PCDHGC5: variants seen among roughly 807,000 people sequenced by gnomAD.
PCDHGC5 encodes the protein protocadherin gamma subfamily C, 5.
In PCDHGC5, 25 loss-of-function variants were observed where a neutral mutation model predicts 59.0. The observed-to-expected ratio is 0.42, with a 90% CI of 0.31 to 0.59. The LOEUF (loss-of-function observed/expected upper bound fraction) is 0.59. PCDHGC5 is among the 20% of genes least tolerant of loss of function. PCDHGC5 has a pLI of 0.13. For synonymous variants in PCDHGC5, 434 were observed against 505.5 expected, an observed-to-expected ratio of 0.86 and a Z score of 1.90; for missense variants, 1,067 against 1,206.4, an observed-to-expected ratio of 0.88 and a Z score of 1.71.
intron 2 of PCDHGC5, among the ~76,000 whole-genome samples, chr5:141,499,265 C>T (rs1220250999): frequency 6.6e-6 from 1 of 152,128 alleles, no homozygotes; most frequent in African/African-American, 2.4e-5. Context: ...CATTTGGTCC[C>T]TAGACTGTTC....
intron 2 of PCDHGC5, among the ~76,000 whole-genome samples, chr5:141,504,128 G>A (rs914138294): frequency 2.6e-5 from 4 of 151,992 alleles, no homozygotes; most frequent in African/African-American, 9.7e-5. Context: ...GCTGTTTCCC[G>A]CCAACACTCC....
At chr5:141,498,338 G>A (rs2237079) in intron 2 of PCDHGC5, among the ~76,000 whole-genome samples, 68,665 of 151,630 alleles carry the variant, frequency 0.45, 15,766 homozygotes, top group Admixed American at 0.55. Flanking sequence ...CATTCCAAAT[G>A]GGAAAAGCCT....
At chr5:141,497,691 C>T (rs2099778682) in intron 2 of PCDHGC5, among the ~76,000 whole-genome samples, 1 of 152,066 alleles carries the variant, frequency 6.6e-6, no homozygotes, top group African/African-American at 2.4e-5. Flanking sequence ...AGGTGTGCAC[C>T]ACCACACCCA....
rs1471215172 is a variant in PCDHGC5 at position 141,511,840 on chromosome 5, TCTG to T, written c.*668_*670del. 1 of 156,722 alleles carries T rather than the reference TCTG, an allele frequency of 6.4e-6. No homozygotes were observed. Among genetic ancestry groups the T allele is most frequent in the African/African-American group, 2.4e-5 (1 of 41,448 alleles). The allele number at this position is 156,722 out of a possible 1,614,324, so 9.7% of individuals were successfully genotyped here. A position where few individuals can be genotyped will look rare whatever the true frequency, so the allele number is the denominator to read the frequency against. On this transcript the variant is annotated 3_prime_UTR_variant, in exon 4 of 4. Coordinates refer to ENST00000252087, the MANE Select transcript of PCDHGC5 (RefSeq NM_018929.3). ...TTCCCAACGCCCTGGGGACCAGTCTTCTGTTTTGTTTTTCATTGTTTGACGTTT... is the reference window on the plus strand; with the variant it reads ...TTCCCAACGCCCTGGGGACCAGTCTTTTTTGTTTTTCATTGTTTGACGTTT...
intron 2 of PCDHGC5, among the ~76,000 whole-genome samples, chr5:141,500,892 G>GAT (rs1036007799): frequency 1.1e-5 from 1 of 88,010 alleles, no homozygotes; most frequent in African/African-American, 7.1e-5. Flanking sequence ...TTTTTTTTGA[G>GAT]ACAGTCTCGC....
intron 2 of PCDHGC5, among the ~76,000 whole-genome samples, chr5:141,497,248 G>A (rs1442942520): frequency 6.6e-6 from 1 of 152,128 alleles, no homozygotes; most frequent in African/African-American, 2.4e-5. Context: ...AGGAGGAGGT[G>A]ACATTGAGAA....
rs767547572 is a variant in PCDHGC5 at position 141,505,495 on chromosome 5, G to C, written c.2608+14G>C. On this transcript the variant is annotated intron_variant, in intron 3 of 3. Coordinates refer to ENST00000252087, the MANE Select transcript of PCDHGC5 (RefSeq NM_018929.3). The stretch of plus-strand genomic sequence containing the variant: ...CGTCCGCCAGTGGTAAGTGGTGTCA[G>C]TGTGTGTATGGAAGAGTGGGAGACC... 5 of 1,614,210 alleles carry C rather than the reference G, an allele frequency of 3.1e-6. No individual in the cohort carries two copies. Among genetic ancestry groups the C allele is most frequent in the Non-Finnish European group, 4.2e-6 (5 of 1,180,000 alleles).
rs202162316 is a variant in PCDHGC5, at chr5:141,490,194, T to C, written c.954T>C (p.Ile318=). ...IDFEESRFYE[I]HARARDQGQP... ...TTGAGGAGTCACGTTTCTATGAAAT[T>C]CATGCAAGAGCCCGTGACCAGGGAC... is the stretch of plus-strand genomic sequence containing the variant. The change falls in exon 1 of 4, where the codon ATT becomes ATC. Residue 318 remains isoleucine (I), a synonymous_variant. Transcript: ENST00000252087. The surrounding 1 kb of genome is among the most constrained non-coding windows in gnomAD (Gnocchi z 5.4). The C allele has an allele frequency of 8.1e-6, 13 of 1,614,186 alleles. No individual in the cohort carries two copies. The highest frequency in any genetic ancestry group is 1.1e-5 in the Non-Finnish European group (13 of 1,180,030).
Position 141,490,867 on chromosome 5 carries a change from C to G in PCDHGC5, c.1627C>G (p.Pro543Ala). ...VVGVRDSGSP[P>A]LHANTSLHVF... ...GGGGGTTCGAGACTCCGGCTCTCCC[C>G]CATTGCATGCCAACACATCTCTGCA... The change falls in exon 1 of 4, where the codon CCA becomes GCA. Residue 543 changes from proline to alanine, a missense_variant. Coordinates refer to ENST00000252087, the MANE Select transcript of PCDHGC5 (RefSeq NM_018929.3). This position sits in a 1 kb window ranked among gnomAD's most constrained non-coding sequence, Gnocchi z 5.4. 6.2e-7 allele frequency: 1 copy of G among 1,613,912 alleles called. No individual in the cohort carries two copies. The highest frequency in any genetic ancestry group is 8.5e-7 in the Non-Finnish European group (1 of 1,179,936).
Position 141,489,161 on chromosome 5 carries a change from A to T in PCDHGC5, c.-80A>T. ...GCTGGAAGGAGACATAAGAGACTTC[A>T]GCTGCTGCATTCCAAGCCCTGGGTC... On this transcript the variant is annotated 5_prime_UTR_variant, in exon 1 of 4. Coordinates refer to ENST00000252087, the MANE Select transcript of PCDHGC5 (RefSeq NM_018929.3). The surrounding 1 kb of genome is among the most constrained non-coding windows in gnomAD (Gnocchi z 4.5). 1.9e-6 allele frequency: 2 copies of T among 1,040,278 alleles called. No individual in the cohort carries two copies. The highest frequency in any genetic ancestry group is 2.8e-6 in the Non-Finnish European group (2 of 709,676). 64.4% of individuals were successfully genotyped at this position (1,040,278 alleles called of 1,614,324 possible).
rs994878374 is a variant in PCDHGC5, at chr5:141,491,785, C to T, written c.2460+85C>T. ...TCCTCATAAGGGATTGAACTTGCAT[C>T]CACTCCTCTCCGGCCGGCTTGGTCG... is the stretch of plus-strand genomic sequence containing the variant. On this transcript the variant is annotated intron_variant, in intron 1 of 3. Transcript: ENST00000252087. The surrounding 1 kb of genome is among the most constrained non-coding windows in gnomAD (Gnocchi z 6.9). 20 of 1,529,458 alleles carry T rather than the reference C, an allele frequency of 1.3e-5. No individual in the cohort carries two copies. Among genetic ancestry groups the T allele is most frequent in the Non-Finnish European group, 1.8e-5 (20 of 1,139,198 alleles). The allele number at this position is 1,529,458 out of a possible 1,614,324, so 94.7% of individuals were successfully genotyped here. A position where few individuals can be genotyped will look rare whatever the true frequency, so the allele number is the denominator to read the frequency against.
chr5:141,495,221 G>A lies in PCDHGC5; in HGVS notation c.2519+356G>A, dbSNP rs376660961. On this transcript the variant is annotated intron_variant, in intron 2 of 3. Coordinates refer to ENST00000252087, the MANE Select transcript of PCDHGC5 (RefSeq NM_018929.3). ...ACTGCCTAACCCCCTCCCCTGAGTT[G>A]AGCTGGGCTCCATTATGACCTGGGG... Among the ~76,000 whole-genome samples, 26 of 152,300 alleles carry A rather than the reference G, an allele frequency of 1.7e-4. 1 individual carries two copies. The East Asian group carries it at 4.4e-3, about 26-fold the overall frequency.
chr5:141,507,287 C>G (rs79707942), intron 3 of PCDHGC5: 1 of 148,974 alleles, frequency 6.7e-6, no homozygotes, highest in East Asian at 1.9e-4. Context: ...AAGTCAGTCT[C>G]AAATGTTGCA....
In PCDHGC5 at chr5:141,489,399, C is replaced by A. The variant is rs2099686689; in HGVS notation, c.159C>A (p.Gly53=). The change falls in exon 1 of 4, where the codon GGC becomes GGA. Residue 53 remains glycine, a synonymous_variant. Coordinates refer to ENST00000252087, the MANE Select transcript of PCDHGC5 (RefSeq NM_018929.3). The surrounding 1 kb of genome is among the most constrained non-coding windows in gnomAD (Gnocchi z 4.5). ...TGGGGAATGTTGCTCAGGATCTGGGCTTAAAGATGACAGATCTGTTGAGCC... is the reference window on the plus strand; with the variant it reads ...TGGGGAATGTTGCTCAGGATCTGGGATTAAAGATGACAGATCTGTTGAGCC... The part of the protein sequence containing the change: ...TLVGNVAQDL[G]LKMTDLLSRR... 1 of 1,614,024 alleles carries A rather than the reference C, an allele frequency of 6.2e-7. No homozygotes were observed. Among genetic ancestry groups the A allele is most frequent in the African/African-American group, 1.3e-5 (1 of 74,910 alleles).
intron 2 of PCDHGC5, among the ~76,000 whole-genome samples, chr5:141,505,145 G>A (rs540889707): frequency 1.3e-5 from 2 of 152,288 alleles, no homozygotes; most frequent in East Asian, 3.9e-4. Flanking sequence ...CTGGATGACA[G>A]AGTAAGACCC....
At chr5:141,504,476 A>G (rs998883721) in intron 2 of PCDHGC5, among the ~76,000 whole-genome samples, 4 of 152,016 alleles carry the variant, frequency 2.6e-5, no homozygotes, top group African/African-American at 9.7e-5. Context: ...GGATGGGAGT[A>G]CAGTGGAGGC....
rs1040753474 is a variant in PCDHGC5 at position 141,511,446 on chromosome 5, G to T, written c.*273G>T. 3.1e-6 allele frequency: 2 copies of T among 654,526 alleles called. No individual in the cohort carries two copies. The highest frequency in any genetic ancestry group is 3.7e-5 in the African/African-American group (2 of 54,758). 40.5% of individuals were successfully genotyped at this position (654,526 alleles called of 1,614,324 possible). A position where few individuals can be genotyped will look rare whatever the true frequency, so the allele number is the denominator to read the frequency against. ...GTAGTGGGGTTACTGTAGACACCAA[G>T]AACCATTTGCCACACCCCGTTTAGT... On this transcript the variant is annotated 3_prime_UTR_variant, in exon 4 of 4. Transcript: ENST00000252087.
In PCDHGC5 at chr5:141,503,243, C is replaced by T. The variant is rs146741382; in HGVS notation, c.2520-2150C>T. Among the ~76,000 whole-genome samples the T allele has an allele frequency of 3.1e-4, 47 of 152,198 alleles. No individual in the cohort carries two copies. The East Asian group carries it at 8.9e-3, about 29-fold the overall frequency. ...CACCGTAAAGATGGACAGTTTCTAT[C>T]ATACTCACAGCCACAACCCCAGCAC... On this transcript the variant is annotated intron_variant, in intron 2 of 3. Coordinates refer to ENST00000252087, the MANE Select transcript of PCDHGC5 (RefSeq NM_018929.3).
rs375127524 is a variant in PCDHGC5, at chr5:141,490,702, C to G, written c.1462C>G (p.Arg488Gly). ...ASDPDTGDNA[R>G]LTYSIVGNQV... is the part of the protein sequence containing the mutation. ...AGATCCAGACACTGGGGATAATGCCCGCCTCACCTACTCCATTGTAGGAAA... is the reference window on the plus strand; with the variant it reads ...AGATCCAGACACTGGGGATAATGCCGGCCTCACCTACTCCATTGTAGGAAA... Residue 488 changes from arginine (R) to glycine (G), a missense_variant, in exon 1 of 4, where the codon CGC becomes GGC. By Grantham distance (125) the Arg-to-Gly change is moderately radical. Coordinates refer to ENST00000252087, the MANE Select transcript of PCDHGC5 (RefSeq NM_018929.3). This position sits in a 1 kb window ranked among gnomAD's most constrained non-coding sequence, Gnocchi z 5.4. The G allele has an allele frequency of 1.2e-6, 2 of 1,614,060 alleles. No homozygotes were observed. Among genetic ancestry groups the G allele is most frequent in the Admixed American group, 1.7e-5 (1 of 60,008 alleles).
Sources: allele counts gnomAD v4.1 joint callset (sites outside exome capture counted in the v4.1 genomes callset), GRCh38; gene constraint gnomAD v4.1.1; non-coding constraint Gnocchi (gnomAD v3.1); transcripts MANE v1.5; gene names NCBI Gene and HGNC (gene_info 2026-07-23, HGNC 2026-07-21).